Variants in CNTN4 observed in about 807,000 individuals in gnomAD.
CNTN4 encodes the protein contactin 4, also known as contactin-4.
In CNTN4, 77 loss-of-function variants were observed where a neutral mutation model predicts 122.5. The observed-to-expected ratio is 0.63, with a 90% CI of 0.52 to 0.76. The LOEUF (loss-of-function observed/expected upper bound fraction) is 0.76. CNTN4 is among the 30% of genes least tolerant of loss of function. CNTN4 has a pLI of 0.00. For synonymous variants in CNTN4, 512 were observed against 447.0 expected (o/e 1.15, Z -1.83); for missense variants, 1,256 against 1,259.1 (o/e 1.00, Z 0.04).
At chr3:2,917,117 C>T (rs1349471977) in intron 12 of CNTN4, among the ~76,000 whole-genome samples, 3 of 137,116 alleles carry the variant, frequency 2.2e-5, no homozygotes, top group African/African-American at 5.7e-5. Flanking sequence ...CCGGCCAACA[C>T]GGCGAAACCC....
At chr3:2,422,883 G>A (rs2047665080) in intron 3 of CNTN4, among the ~76,000 whole-genome samples, 1 of 152,192 alleles carries the variant, frequency 6.6e-6, no homozygotes, top group South Asian at 2.1e-4. Context: ...AATTAGTGGT[G>A]TGTTGTCCAG....
chr3:2,914,499 C>T (rs2094334113), intron 12 of CNTN4, among the ~76,000 whole-genome samples: 1 of 152,064 alleles, frequency 6.6e-6, no homozygotes, highest in Admixed American at 6.6e-5. Context: ...ATAAAGACCA[C>T]TATAAATAAT....
intron 2 of CNTN4, among the ~76,000 whole-genome samples, chr3:2,150,361 C>A (rs2035444491): frequency 6.6e-6 from 1 of 152,180 alleles, no homozygotes; most frequent in Non-Finnish European, 1.5e-5. Context: ...CAACTTATTT[C>A]TTAACGTAGA....
chr3:2,868,957 G>A (rs889226842), intron 8 of CNTN4, among the ~76,000 whole-genome samples: 18 of 152,024 alleles, frequency 1.2e-4, no homozygotes, highest in African/African-American at 4.3e-4. Flanking sequence ...AGATCAGAGG[G>A]CAGAGCTTTC....
At chr3:2,389,878 T>G (rs939995184) in intron 3 of CNTN4, among the ~76,000 whole-genome samples, 3 of 152,178 alleles carry the variant, frequency 2.0e-5, no homozygotes, top group African/African-American at 7.2e-5. Context: ...AAAGCTAAAC[T>G]TTACAAAATA....
At chr3:2,851,011 CAGTT>C (rs780159628) in intron 7 of CNTN4, among the ~76,000 whole-genome samples, 92 of 152,164 alleles carry the variant, frequency 6.0e-4, no homozygotes, top group Non-Finnish European at 9.1e-4. Flanking sequence ...ATCTGTCAAA[CAGTT>C]AGCCAATTTA....
chr3:2,290,934 A>T (rs771198504), intron 2 of CNTN4, among the ~76,000 whole-genome samples: 8 of 152,206 alleles, frequency 5.3e-5, no homozygotes, highest in African/African-American at 1.7e-4. Context: ...AGGATTTTTT[A>T]AAATGACATG....
At chr3:2,375,745 G>A (rs1382204476) in intron 3 of CNTN4, among the ~76,000 whole-genome samples, 1 of 151,880 alleles carries the variant, frequency 6.6e-6, no homozygotes, top group African/African-American at 2.4e-5. Flanking sequence ...AAGTGTTACC[G>A]GGTTTATGTG....
chr3:2,744,646 T>C (rs982408083), intron 5 of CNTN4, among the ~76,000 whole-genome samples: 16 of 152,242 alleles, frequency 1.1e-4, no homozygotes, highest in Admixed American at 1.3e-4. Flanking sequence ...GCAAACGTTC[T>C]GAAGTGTTTA....
intron 2 of CNTN4, among the ~76,000 whole-genome samples, chr3:2,336,972 AT>A (rs2043977721): frequency 6.6e-6 from 1 of 152,180 alleles, no homozygotes; most frequent in Non-Finnish European, 1.5e-5. Context: ...GTATTAATTG[AT>A]GGTTCAATAG....
chr3:2,439,788 T>G (rs1290353330), intron 3 of CNTN4, among the ~76,000 whole-genome samples: 1 of 152,138 alleles, frequency 6.6e-6, no homozygotes, highest in Non-Finnish European at 1.5e-5. Flanking sequence ...AGTTGTCTTC[T>G]TAGAGGGCCT....
At chr3:3,004,616 T>C (rs111858162) in intron 14 of CNTN4, among the ~76,000 whole-genome samples, 4 of 152,214 alleles carry the variant, frequency 2.6e-5, no homozygotes. Flanking sequence ...AAAGTGCGTT[T>C]GTAAAATTTA....
At chr3:2,803,402 C>A (rs1034013249) in intron 6 of CNTN4, among the ~76,000 whole-genome samples, 3 of 152,112 alleles carry the variant, frequency 2.0e-5, no homozygotes, top group South Asian at 2.1e-4. Flanking sequence ...ATTTTCCACT[C>A]TTAAATATAC....
chr3:2,445,021 CTCTATCTA>C (rs562505576), intron 3 of CNTN4, among the ~76,000 whole-genome samples: 66 of 145,136 alleles, frequency 4.5e-4, no homozygotes, highest in African/African-American at 1.2e-3. Context: ...AAATCTATCT[CTCTATCTA>C]TCTATCTATC....
At chr3:2,534,280 G>C (rs1036952739) in intron 3 of CNTN4, among the ~76,000 whole-genome samples, 2 of 152,104 alleles carry the variant, frequency 1.3e-5, no homozygotes, top group Non-Finnish European at 2.9e-5. Context: ...ATTAATTTTT[G>C]TATAAGTTGT....
chr3:2,698,239 C>T (rs1333193700), intron 4 of CNTN4, among the ~76,000 whole-genome samples: 1 of 152,122 alleles, frequency 6.6e-6, no homozygotes, highest in East Asian at 1.9e-4. Context: ...TAAGGAATAT[C>T]TTTTATGGCT....
chr3:2,383,820 C>G (rs942171095), intron 3 of CNTN4, among the ~76,000 whole-genome samples: 4 of 151,308 alleles, frequency 2.6e-5, no homozygotes. Context: ...GTCTCCCTCT[C>G]CTCTCTCCCT....
chr3:2,690,641 T>C (rs1276472089), intron 4 of CNTN4, among the ~76,000 whole-genome samples: 1 of 152,130 alleles, frequency 6.6e-6, no homozygotes, highest in African/African-American at 2.4e-5. Flanking sequence ...CCTTACCTCC[T>C]AGAGCAGGTT....
At chr3:2,287,018 C>G (rs1365717456) in intron 2 of CNTN4, among the ~76,000 whole-genome samples, 1 of 152,166 alleles carries the variant, frequency 6.6e-6, no homozygotes, top group Non-Finnish European at 1.5e-5. Context: ...GTAGTTAGAT[C>G]AAACATTCCC....
Sources: gnomAD v4.1 joint callset for allele counts (sites outside exome capture counted in the v4.1 genomes callset) on GRCh38, gnomAD v4.1.1 for gene constraint, MANE v1.5 for transcripts, NCBI Gene and HGNC (gene_info 2026-07-23, HGNC 2026-07-21) for gene names.